CADM2: variants seen among roughly 807,000 people sequenced by gnomAD.
The protein encoded by CADM2 is immunoglobulin superfamily member 4D.
A neutral mutation model predicts 49.8 loss-of-function variants in CADM2; 12 were observed. That is an observed-to-expected ratio of 0.24 (90% CI 0.15 to 0.39). The LOEUF (loss-of-function observed/expected upper bound fraction) is 0.39, where lower values mean the gene tolerates loss of function less well. Among genes scored for constraint, CADM2 ranks in the 10% least tolerant of loss-of-function variants. CADM2 has a pLI of 1.00. For missense variants in CADM2, 378 were observed against 492.3 expected (o/e 0.77, Z 2.20); for synonymous variants, 214 against 175.4 (o/e 1.22, Z -1.74).
intron 1 of CADM2, among the ~76,000 whole-genome samples, chr3:85,446,908 G>A (rs888238067): frequency 6.9e-6 from 1 of 145,338 alleles, no homozygotes; most frequent in Non-Finnish European, 1.5e-5. Flanking sequence ...GGCCATGAAC[G>A]ATTTTTAGTG....
chr3:85,306,075 T>C (rs888039260), intron 1 of CADM2, among the ~76,000 whole-genome samples: 3 of 151,658 alleles, frequency 2.0e-5, no homozygotes, highest in Non-Finnish European at 4.4e-5. Flanking sequence ...TCACAATATC[T>C]GAGATAAATA....
chr3:85,670,790 A>G (rs2065712697), intron 1 of CADM2, among the ~76,000 whole-genome samples: 1 of 152,180 alleles, frequency 6.6e-6, no homozygotes, highest in Non-Finnish European at 1.5e-5. Flanking sequence ...AGAGACATGA[A>G]GAATGTTGTC....
chr3:85,065,203 T>G (rs1353437922), intron 1 of CADM2, among the ~76,000 whole-genome samples: 2 of 152,062 alleles, frequency 1.3e-5, no homozygotes, highest in African/African-American at 2.4e-5. Flanking sequence ...GTTTGAATAT[T>G]TTGCATTTAG....
intron 1 of CADM2, among the ~76,000 whole-genome samples, chr3:85,321,169 GAGAGAGAGAAAGAA>G (rs1248847500): frequency 3.7e-5 from 2 of 53,922 alleles, no homozygotes; most frequent in Non-Finnish European, 7.6e-5. Context: ...TTTTTTTTGC[GAGAGAGAGAAAGAA>G]AGAGAGAGAG....
intron 1 of CADM2, among the ~76,000 whole-genome samples, chr3:85,488,069 G>T (rs954548395): frequency 3.3e-5 from 5 of 152,062 alleles, no homozygotes; most frequent in African/African-American, 1.2e-4. Flanking sequence ...TTGTACACAA[G>T]TAAGGATATA....
chr3:85,493,022 G>T (rs895044936), intron 1 of CADM2, among the ~76,000 whole-genome samples: 2 of 152,100 alleles, frequency 1.3e-5, no homozygotes, highest in Non-Finnish European at 1.5e-5. Context: ...CATTACATAT[G>T]GCCCTAGGAT....
chr3:85,091,926 T>C (rs573327015), intron 1 of CADM2, among the ~76,000 whole-genome samples: 7 of 152,258 alleles, frequency 4.6e-5, no homozygotes, highest in East Asian at 3.9e-4. Context: ...TGTCACTTCA[T>C]TGTAGAAAAG....
At chr3:85,642,620 G>A (rs1014714891) in intron 1 of CADM2, among the ~76,000 whole-genome samples, 1 of 152,098 alleles carries the variant, frequency 6.6e-6, no homozygotes, top group African/African-American at 2.4e-5. Flanking sequence ...TATTTGCTCA[G>A]ATAACCTAAC....
intron 2 of CADM2, among the ~76,000 whole-genome samples, chr3:85,767,225 A>G (rs535000421): frequency 1.2e-4 from 19 of 152,290 alleles, no homozygotes; most frequent in Admixed American, 4.6e-4. Flanking sequence ...CGGGTTTACC[A>G]TGATGCACAC....
At chr3:85,137,006 A>G (rs2039432451) in intron 1 of CADM2, among the ~76,000 whole-genome samples, 2 of 151,972 alleles carry the variant, frequency 1.3e-5, no homozygotes, top group African/African-American at 4.8e-5. Flanking sequence ...GTAAAAATAT[A>G]AAGATATTTT....
intron 1 of CADM2, among the ~76,000 whole-genome samples, chr3:85,153,570 A>G (rs2040003615): frequency 1.3e-5 from 2 of 152,170 alleles, no homozygotes; most frequent in South Asian, 4.1e-4. Flanking sequence ...GGAAGCTCCA[A>G]CTGGGTGGAG....
At chr3:85,676,064 C>T (rs1009426355) in intron 1 of CADM2, among the ~76,000 whole-genome samples, 5 of 152,148 alleles carry the variant, frequency 3.3e-5, no homozygotes, top group Admixed American at 1.3e-4. Flanking sequence ...CTTGCTGGGC[C>T]GCTCATGGCT....
At chr3:85,003,847 T>C (rs1381599379) in intron 1 of CADM2, among the ~76,000 whole-genome samples, 1 of 152,152 alleles carries the variant, frequency 6.6e-6, no homozygotes, top group East Asian at 1.9e-4. Context: ...ACTTAACTTA[T>C]GGCCTTGAAA....
chr3:85,200,101 T>G (rs1178415089), intron 1 of CADM2, among the ~76,000 whole-genome samples: 1 of 151,990 alleles, frequency 6.6e-6, no homozygotes, highest in Non-Finnish European at 1.5e-5. Context: ...CAATGTGGAG[T>G]CTTATCTTAT....
intron 1 of CADM2, among the ~76,000 whole-genome samples, chr3:85,222,935 G>T (rs1178640846): frequency 1.3e-5 from 2 of 151,852 alleles, no homozygotes; most frequent in African/African-American, 4.8e-5. Flanking sequence ...CCATTTCATA[G>T]AACTTTCAAA....
chr3:85,359,653 TATATATATATA>T lies in CADM2; in HGVS notation c.62-366868_62-366858del, dbSNP rs1344265161. ...CAATGTCAGCATATATATATATATA[TATATATATATA>T]TATTTTTTTTTTTGGTGGAGGGGAG... On this transcript the variant is annotated intron_variant, in intron 1 of 9. Transcript: ENST00000383699. Among the ~76,000 whole-genome samples the T allele has an allele frequency of 1.6e-4, 3 of 18,730 alleles. 1 individual carries two copies. The highest frequency in any genetic ancestry group is 2.6e-4 in the African/African-American group (3 of 11,322). The allele number at this position is 18,730 out of a possible 152,430, so 12.3% of individuals were successfully genotyped here.
intron 1 of CADM2, among the ~76,000 whole-genome samples, chr3:85,043,402 G>T (rs528636464): frequency 6.6e-6 from 1 of 151,932 alleles, no homozygotes; most frequent in Admixed American, 6.6e-5. Context: ...CTGTTAGGCC[G>T]GGTGCAGGGG....
At chr3:84,973,363 A>T (rs528101764) in intron 1 of CADM2, among the ~76,000 whole-genome samples, 8 of 151,926 alleles carry the variant, frequency 5.3e-5, no homozygotes, top group African/African-American at 1.2e-4. Flanking sequence ...TTTTTTTTTT[A>T]AATTTAAGGT....
chr3:85,887,054 A>T (rs549417078), intron 5 of CADM2, among the ~76,000 whole-genome samples: 1 of 152,170 alleles, frequency 6.6e-6, no homozygotes, highest in Non-Finnish European at 1.5e-5. Context: ...TATGCAAACC[A>T]TTCTGCTTAT....
Sources: gnomAD v4.1 joint callset for allele counts (sites outside exome capture counted in the v4.1 genomes callset) on GRCh38, gnomAD v4.1.1 for gene constraint, MANE v1.5 for transcripts, NCBI Gene and HGNC (gene_info 2026-07-23, HGNC 2026-07-21) for gene names.